Variants in HBEGF observed in about 807,000 individuals in gnomAD.
HBEGF encodes proheparin-binding EGF-like growth factor.
Under a neutral mutation model 19.5 loss-of-function variants are expected in HBEGF, and 8 were observed. The observed-to-expected ratio is 0.41, with a 90% confidence interval of 0.24 to 0.74. The LOEUF (loss-of-function observed/expected upper bound fraction) is 0.74, where lower values mean the gene tolerates loss of function less well. Ranked by LOEUF, HBEGF falls within the 30% of genes least tolerant of loss-of-function variation. The probability of loss-of-function intolerance (pLI) is 0.32; values close to 1 mark genes in which losing one functional copy is unlikely to be tolerated. For missense variants in HBEGF, 207 were observed against 256.9 expected (o/e 0.81, Z 1.33); for synonymous variants, 97 against 108.9 (o/e 0.89, Z 0.68).
At chr5:140,338,169 CTT>C (rs1215172767) in intron 3 of HBEGF, among the ~76,000 whole-genome samples, 3 of 152,298 alleles carry the variant, frequency 2.0e-5, no homozygotes, top group African/African-American at 7.2e-5. Context: ...CAGTCTGACC[CTT>C]CTCTCTGACT....
chr5:140,342,953 A>G, intron 2 of HBEGF, 141 bp from the exon 3 acceptor site: 14 of 774,694 alleles, frequency 1.8e-5, no homozygotes, highest in Non-Finnish European at 2.6e-5. Flanking sequence ...GTGCCTCCTA[A>G]GAGGCAGAAG....
intron 2 of HBEGF, 52 bp from the exon 3 acceptor site, chr5:140,342,864 G>T: frequency 1.3e-6 from 2 of 1,569,128 alleles, no homozygotes; most frequent in Non-Finnish European, 1.8e-6. Context: ...AAGAAAATCA[G>T]AAGAGCATAG....
Position 140,335,940 on chromosome 5 carries a change from G to A in HBEGF, c.486C>T (p.Ile162=). Residue 162 remains isoleucine, a synonymous_variant, in exon 4 of 6, where the codon ATC becomes ATT. Transcript: ENST00000230990. ...ACAGCACCACAGCCACCACGGCCAG[G>A]ATGGTTGTGTGGTCATAGGTATATA... ...NRLYTYDHTT[I]LAVVAVVLSS... 6.2e-7 allele frequency: 1 copy of A among 1,614,132 alleles called. No homozygotes were observed.
chr5:140,337,788 C>G (rs1181067241), intron 3 of HBEGF, among the ~76,000 whole-genome samples: 1 of 152,182 alleles, frequency 6.6e-6, no homozygotes, highest in Non-Finnish European at 1.5e-5. Flanking sequence ...TGTATCTGTC[C>G]CATCAGCCCA....
Position 140,346,542 on chromosome 5 carries a change from GA to G in HBEGF, c.-215del. ...ACTCAGCCCGCCCGCGCGGCCGCCC[GA>G]CCCCGCGCGCCTAGGTCAGGCCAGC... On this transcript the variant is annotated 5_prime_UTR_variant, in exon 1 of 6. Transcript: ENST00000230990. This position sits in a 1 kb window ranked among gnomAD's most constrained non-coding sequence, Gnocchi z 6.1. The G allele has an allele frequency of 1.7e-6, 1 of 601,800 alleles. No homozygotes were observed. Among genetic ancestry groups the G allele is most frequent in the Non-Finnish European group, 2.9e-6 (1 of 343,134 alleles). 37.3% of individuals were successfully genotyped at this position (601,800 alleles called of 1,614,324 possible).
chr5:140,346,035 C>G lies in HBEGF; in HGVS notation c.96G>C (p.Gly32=). Residue 32 remains glycine (G), a synonymous_variant, in exon 2 of 6, where the codon GGG becomes GGC. Coordinates refer to ENST00000230990, the MANE Select transcript of HBEGF (RefSeq NM_001945.3). The surrounding 1 kb of genome is among the most constrained non-coding windows in gnomAD (Gnocchi z 6.1). ...CCGGGTTGCTGGTTCCAGCAGCTAG[C>G]CCTCTCCGAAGCCGCTCCAGGCTCT... ...TGESLERLRR[G]LAAGTSNPDP... is the part of the protein sequence containing the mutation. 1 of 1,613,974 alleles carries G rather than the reference C, an allele frequency of 6.2e-7. No homozygotes were observed. Among genetic ancestry groups the G allele is most frequent in the South Asian group, 1.1e-5 (1 of 91,074 alleles).
chr5:140,341,691 A>T (rs1766313998), intron 3 of HBEGF, among the ~76,000 whole-genome samples: 1 of 152,218 alleles, frequency 6.6e-6, no homozygotes, highest in African/African-American at 2.4e-5. Context: ...GGCAGTGTGC[A>T]TACAACAGTC....
chr5:140,341,764 A>G (rs953879326), intron 3 of HBEGF, among the ~76,000 whole-genome samples: 1 of 152,142 alleles, frequency 6.6e-6, no homozygotes, highest in African/African-American at 2.4e-5. Flanking sequence ...CAGGGAAGGG[A>G]ATGGATGTTT....
chr5:140,346,394 G>T lies in HBEGF; in HGVS notation c.-66C>A. 6.5e-7 allele frequency: 1 copy of T among 1,539,446 alleles called. No homozygotes were observed. The highest frequency in any genetic ancestry group is 1.4e-5 in the African/African-American group (1 of 73,016). ...TCGAAGCGGCGGCCACTGGGCGCTG[G>T]CACCAGAGCTGGGCGGCGGAGCTCA... is the stretch of plus-strand genomic sequence containing the variant. On this transcript the variant is annotated 5_prime_UTR_variant, in exon 1 of 6. Transcript: ENST00000230990. This position sits in a 1 kb window ranked among gnomAD's most constrained non-coding sequence, Gnocchi z 6.1.
rs908912039 is a variant in HBEGF at position 140,332,916 on chromosome 5, C to T, written c.*1383G>A. ...CCAGGTTTGGAAATACAAGTTGTAA[C>T]AGTTCAGAAATGGCACCAGAAACTT... On this transcript the variant is annotated 3_prime_UTR_variant, in exon 6 of 6. Transcript: ENST00000230990. The T allele has an allele frequency of 2.0e-5, 3 of 152,608 alleles. No homozygotes were observed. The highest frequency in any genetic ancestry group is 7.2e-5 in the African/African-American group (3 of 41,428). 9.5% of individuals were successfully genotyped at this position (152,608 alleles called of 1,614,324 possible). A position where few individuals can be genotyped will look rare whatever the true frequency, so the allele number is the denominator to read the frequency against.
rs558664342 is a variant in HBEGF, at chr5:140,333,857, T to C, written c.*442A>G. ...CCAATGGCAGATCCCTTGGTGGTAC[T>C]TGAGTACATGGCTTCTCAATCTTTG... On this transcript the variant is annotated 3_prime_UTR_variant, in exon 6 of 6. Transcript: ENST00000230990. The C allele has an allele frequency of 6.5e-6, 1 of 152,740 alleles. No homozygotes were observed. Among genetic ancestry groups the C allele is most frequent in the East Asian group, 1.9e-4 (1 of 5,192 alleles). 9.5% of individuals were successfully genotyped at this position (152,740 alleles called of 1,614,324 possible). A position where few individuals can be genotyped will look rare whatever the true frequency, so the allele number is the denominator to read the frequency against.
At chr5:140,342,837 A>C (rs748971618) in intron 2 of HBEGF, 25 bp from the exon 3 acceptor site, 20 of 1,611,820 alleles carry the variant, frequency 1.2e-5, no homozygotes, top group African/African-American at 2.7e-5. Context: ...CACTCTGTTA[A>C]AGTCTGACTC....
At chr5:140,343,033 G>A (rs956709118) in intron 2 of HBEGF, 5 of 548,016 alleles carry the variant, frequency 9.1e-6, no homozygotes, top group Admixed American at 3.1e-5. Flanking sequence ...GCTAGGGTGG[G>A]TCCCAAGGAA....
intron 3 of HBEGF, among the ~76,000 whole-genome samples, chr5:140,338,744 A>G (rs1298301180): frequency 6.6e-6 from 1 of 152,182 alleles, no homozygotes; most frequent in African/African-American, 2.4e-5. Context: ...TGTCTTGTCC[A>G]GAGCCAGCCA....
At position 140,342,649 on chromosome 5, in the gene HBEGF, C is replaced by T; in HGVS notation, c.384G>A (p.Arg128=). 1.2e-6 allele frequency: 2 copies of T among 1,614,126 alleles called. No individual in the cohort carries two copies. Among genetic ancestry groups the T allele is most frequent in the Non-Finnish European group, 1.7e-6 (2 of 1,180,018 alleles). Residue 128 remains arginine (R), a synonymous_variant, in exon 3 of 6, where the codon CGG becomes CGA. Transcript: ENST00000230990. ...HGECKYVKEL[R]APSCICHPGY... ...GGGGCACTTACATGCAGGAGGGAGC[C>T]CGGAGCTCCTTCACATATTTGCATT... is the stretch of plus-strand genomic sequence containing the variant.
intron 3 of HBEGF, among the ~76,000 whole-genome samples, chr5:140,338,491 A>C (rs1766260204): frequency 1.3e-5 from 2 of 152,168 alleles, no homozygotes; most frequent in Admixed American, 6.5e-5. Context: ...TCTGTTTTTC[A>C]CTTCCAGTCC....
At chr5:140,340,244 T>C (rs1007632213) in intron 3 of HBEGF, among the ~76,000 whole-genome samples, 37 of 150,594 alleles carry the variant, frequency 2.5e-4, no homozygotes, top group African/African-American at 8.8e-4. Flanking sequence ...CGAGATTGTG[T>C]CACTGCACTC....
chr5:140,346,353 G>A lies in HBEGF; in HGVS notation c.-25C>T. 9 of 1,603,098 alleles carry A rather than the reference G, an allele frequency of 5.6e-6. No individual in the cohort carries two copies. Among genetic ancestry groups the A allele is most frequent in the Non-Finnish European group, 7.7e-6 (9 of 1,175,506 alleles). ...TGGTCCCGCACCGAGAGGAGGCGGC[G>A]AGGCACCAGTCACTTTCGAAGCGGC... On this transcript the variant is annotated 5_prime_UTR_variant, in exon 1 of 6. Transcript: ENST00000230990. The surrounding 1 kb of genome is among the most constrained non-coding windows in gnomAD (Gnocchi z 6.1).
rs80143333 is a variant in HBEGF, at chr5:140,345,514, T to C, written c.220+397A>G. 1.2e-4 allele frequency among the ~76,000 whole-genome samples: 19 copies of C among 152,312 alleles called. No homozygotes were observed. The East Asian group carries it at 3.7e-3, about 29-fold the overall frequency. ...AGATGTGCCTGGGCATCTCCGCATG[T>C]GTTACCTCTATTTTATATATAATAG... On this transcript the variant is annotated intron_variant, in intron 2 of 5. Transcript: ENST00000230990.
Sources: allele counts gnomAD v4.1 joint callset (sites outside exome capture counted in the v4.1 genomes callset), GRCh38; gene constraint gnomAD v4.1.1; non-coding constraint Gnocchi (gnomAD v3.1); transcripts MANE v1.5; gene names NCBI Gene and HGNC (gene_info 2026-07-23, HGNC 2026-07-21).